Variants in GPHN observed in about 807,000 individuals in gnomAD.
GPHN encodes the protein gephyrin.
GPHN carries 17 observed loss-of-function variants against 95.5 expected under a neutral mutation model. The observed-to-expected ratio is 0.18, with a 90% CI of 0.12 to 0.27. The LOEUF is 0.27. Ranked by LOEUF, GPHN falls within the 10% of genes least tolerant of loss-of-function variation. GPHN has a pLI of 1.00. For missense variants in GPHN, 660 were observed against 978.1 expected (o/e 0.67, Z 4.34); for synonymous variants, 320 against 322.5 (o/e 0.99, Z 0.08).
chr14:66,972,267 CAAA>C (rs892888405), intron 9 of GPHN, among the ~76,000 whole-genome samples: 2 of 46,296 alleles, frequency 4.3e-5, no homozygotes, highest in Non-Finnish European at 9.4e-5. Context: ...GAGTCTGTCT[CAAA>C]AAAAAAAAAA....
At chr14:67,583,075 G>GA in the GPHN span, among the ~76,000 whole-genome samples, 1 of 152,036 alleles carries the variant, frequency 6.6e-6, no homozygotes, top group Non-Finnish European at 1.5e-5. Flanking sequence ...ACTCCCATAA[G>GA]AGAGTCTGAC....
intron 19 of GPHN, among the ~76,000 whole-genome samples, chr14:67,161,693 C>T (rs2081990694): frequency 6.6e-6 from 1 of 151,914 alleles, no homozygotes; most frequent in Non-Finnish European, 1.5e-5. Flanking sequence ...GCGGAGGTGG[C>T]AGTGAGCCAT....
chr14:66,764,669 G>A (rs2058895409), intron 2 of GPHN, among the ~76,000 whole-genome samples: 1 of 152,044 alleles, frequency 6.6e-6, no homozygotes, highest in Admixed American at 6.6e-5. Flanking sequence ...AATGGATTGA[G>A]ACCTTTAAAA....
At chr14:67,648,330 G>A in the GPHN span, 4 of 864,712 alleles carry the variant, frequency 4.6e-6, no homozygotes, top group South Asian at 8.4e-5. Context: ...ATATGGCCAT[G>A]CTAATAAAAA....
chr14:67,654,320 CGCTCT>C, the GPHN span, among the ~76,000 whole-genome samples: 1 of 534 alleles, frequency 1.9e-3, no homozygotes, highest in Non-Finnish European at 4.5e-3. Flanking sequence ...GATGAGGTCT[CGCTCT>C]AGAGATGAGG....
the GPHN span, among the ~76,000 whole-genome samples, chr14:67,567,318 G>T: frequency 6.6e-6 from 1 of 152,156 alleles, no homozygotes; most frequent in Admixed American, 6.5e-5. Context: ...TTAGAGTTTG[G>T]AAAGCCCTTT....
chr14:66,566,816 G>C (rs988901267), intron 1 of GPHN, among the ~76,000 whole-genome samples: 2 of 152,248 alleles, frequency 1.3e-5, no homozygotes, highest in Middle Eastern at 3.4e-3. Context: ...GGCAACACAA[G>C]GCTGTTGACA....
At chr14:67,549,891 A>G in the GPHN span, among the ~76,000 whole-genome samples, 2 of 152,250 alleles carry the variant, frequency 1.3e-5, no homozygotes, top group African/African-American at 2.4e-5. Context: ...AAGAATCTGC[A>G]TGATGACAAA....
At chr14:67,018,397 A>G (rs1335303301) in intron 9 of GPHN, among the ~76,000 whole-genome samples, 1 of 152,086 alleles carries the variant, frequency 6.6e-6, no homozygotes, top group Non-Finnish European at 1.5e-5. Context: ...TCTAAGCTGG[A>G]TCTTAAAGGA....
chr14:67,650,690 G>C, the GPHN span: 1 of 1,611,086 alleles, frequency 6.2e-7, no homozygotes, highest in Non-Finnish European at 8.5e-7. Context: ...GGAACCTGAG[G>C]TTTTGTCACA....
the GPHN span, among the ~76,000 whole-genome samples, chr14:67,671,511 G>A: frequency 2.0e-5 from 3 of 151,974 alleles, no homozygotes; most frequent in African/African-American, 4.8e-5. Flanking sequence ...GGGCGACAGA[G>A]CAAGACTCTA....
the GPHN span, chr14:67,572,421 G>C: frequency 3.1e-6 from 2 of 646,146 alleles, no homozygotes; most frequent in Non-Finnish European, 5.3e-6. Context: ...GTGGGCTGGG[G>C]GGGTGTACAG....
At chr14:67,265,997 C>A in the GPHN span, among the ~76,000 whole-genome samples, 1 of 152,024 alleles carries the variant, frequency 6.6e-6, no homozygotes, top group African/African-American at 2.4e-5. Flanking sequence ...TTTGTAGAGA[C>A]AAGGTCTCAC....
chr14:66,625,064 T>A (rs2063468070), intron 1 of GPHN, among the ~76,000 whole-genome samples: 1 of 152,166 alleles, frequency 6.6e-6, no homozygotes, highest in Non-Finnish European at 1.5e-5. Flanking sequence ...CCTTTCAATC[T>A]GGAAACTTGT....
At chr14:67,168,577 G>A (rs1265733538) in intron 20 of GPHN, among the ~76,000 whole-genome samples, 1 of 151,994 alleles carries the variant, frequency 6.6e-6, no homozygotes, top group Non-Finnish European at 1.5e-5. Context: ...TTAAAAAATA[G>A]CAAATAGATA....
the GPHN span, chr14:67,472,568 A>T: frequency 6.6e-6 from 1 of 152,286 alleles, no homozygotes; most frequent in Non-Finnish European, 1.5e-5. Context: ...GCATCAGGCC[A>T]GCCGGAACAG....
At chr14:67,727,486 T>TG in the GPHN span, 1 of 216,006 alleles carries the variant, frequency 4.6e-6, no homozygotes, top group Non-Finnish European at 9.0e-6. Flanking sequence ...GTTTTTTTTG[T>TG]TTTTTTTTTT....
intron 1 of GPHN, among the ~76,000 whole-genome samples, chr14:66,625,267 G>A (rs1305580861): frequency 6.6e-6 from 1 of 151,686 alleles, no homozygotes; most frequent in Non-Finnish European, 1.5e-5. Flanking sequence ...GTAGAGACAG[G>A]GTCTCACTAT....
chr14:67,621,085 C>A, the GPHN span: 1,416 of 924,232 alleles, frequency 1.5e-3, 34 homozygotes, highest in East Asian at 0.032. Flanking sequence ...CCACATCCCG[C>A]ATCCTCCTTT....
Sources: gnomAD v4.1 joint callset for allele counts (sites outside exome capture counted in the v4.1 genomes callset) on GRCh38, gnomAD v4.1.1 for gene constraint, MANE v1.5 for transcripts, NCBI Gene and HGNC (gene_info 2026-07-23, HGNC 2026-07-21) for gene names.